Variants in TIPRL observed in about 807,000 individuals in gnomAD.
TIPRL encodes TIP41-like protein.
In TIPRL, 10 loss-of-function variants were observed where a neutral mutation model predicts 32.3. That is an observed-to-expected ratio of 0.31 (90% CI 0.19 to 0.52). The LOEUF is 0.52. TIPRL is among the 20% of genes least tolerant of loss of function. The pLI is 0.96. For synonymous variants in TIPRL, 100 were observed against 114.0 expected (o/e 0.88, Z 0.78); for missense variants, 250 against 328.1 (o/e 0.76, Z 1.84).
rs1700009011 is a variant in TIPRL, at chr1:168,184,923, C to T, written c.384+45C>T. On this transcript the variant is annotated intron_variant, in intron 3 of 6. Coordinates refer to ENST00000367833, the MANE Select transcript of TIPRL (RefSeq NM_152902.5). ...TTCATGAGTCATTGATTGTCTTGGA[C>T]AGTCTGAGCATTAGAACTTTCTAGT... 7 of 1,242,660 alleles carry T rather than the reference C, an allele frequency of 5.6e-6. No homozygotes were observed. In the South Asian group the frequency reaches 6.5e-5, roughly 12 times the overall value. The allele number at this position is 1,242,660 out of a possible 1,614,324, so 77.0% of individuals were successfully genotyped here. A position where few individuals can be genotyped will look rare whatever the true frequency, so the allele number is the denominator to read the frequency against.
chr1:168,186,074 C>CA (rs56699636), intron 3 of TIPRL, among the ~76,000 whole-genome samples: 2,464 of 56,028 alleles, frequency 0.044, 437 homozygotes, highest in Non-Finnish European at 0.068. Context: ...GACTCCGTCT[C>CA]AAAAAAAAAA....
Position 168,195,053 on chromosome 1 carries a change from A to G in TIPRL, c.517-1494A>G, listed in dbSNP as rs534039236. Among the ~76,000 whole-genome samples the G allele has an allele frequency of 3.3e-5, 5 of 152,294 alleles. No individual in the cohort carries two copies. In the South Asian group the frequency reaches 1.0e-3, roughly 32 times the overall value. ...AGGACAAGTGAACATTAGCCGGGAG[A>G]ATACTCCAGGTAAGGGAAGAGGGTG... On this transcript the variant is annotated intron_variant, in intron 4 of 6. Coordinates refer to ENST00000367833, the MANE Select transcript of TIPRL (RefSeq NM_152902.5).
At chr1:168,195,201 TTATATGTAAGA>T (rs1039242376) in intron 4 of TIPRL, among the ~76,000 whole-genome samples, 1 of 152,238 alleles carries the variant, frequency 6.6e-6, no homozygotes, top group African/African-American at 2.4e-5. Context: ...AGCCCTGTGC[TTATATGTAAGA>T]TTATAGGCAG....
intron 4 of TIPRL, among the ~76,000 whole-genome samples, chr1:168,194,888 T>C (rs549290389): frequency 6.6e-6 from 1 of 152,252 alleles, no homozygotes; most frequent in African/African-American, 2.4e-5. Context: ...TACAGTCAAG[T>C]GGAAACATAA....
intron 6 of TIPRL, 54 bp from the exon 7 acceptor site, chr1:168,199,848 TA>T: frequency 6.5e-7 from 1 of 1,544,276 alleles, no homozygotes; most frequent in Non-Finnish European, 8.7e-7. Context: ...AAAACATTTG[TA>T]AAAAATTTCA....
intron 1 of TIPRL, among the ~76,000 whole-genome samples, chr1:168,179,438 T>G (rs1404879875): frequency 1.3e-5 from 2 of 152,128 alleles, no homozygotes; most frequent in African/African-American, 4.8e-5. Flanking sequence ...TGGTGGACTT[T>G]CCCCTCACCA....
chr1:168,192,352 T>A, intron 4 of TIPRL: 2 of 882,780 alleles, frequency 2.3e-6, no homozygotes, highest in Non-Finnish European at 1.4e-6. Context: ...AGACTCCGTC[T>A]CAAAAAAAAA....
chr1:168,185,794 C>T (rs924839613), intron 3 of TIPRL, among the ~76,000 whole-genome samples: 4 of 123,016 alleles, frequency 3.3e-5, no homozygotes, highest in African/African-American at 1.2e-4. Flanking sequence ...AGAAGAGATT[C>T]GGCCAGGTGC....
At chr1:168,186,195 C>T (rs1029677684) in intron 3 of TIPRL, among the ~76,000 whole-genome samples, 1 of 148,360 alleles carries the variant, frequency 6.7e-6, no homozygotes, top group African/African-American at 2.5e-5. Flanking sequence ...TATAGTATGA[C>T]TGAAAGGAAG....
chr1:168,196,537 T>G lies in TIPRL; in HGVS notation c.517-10T>G, dbSNP rs1700154922. 1.3e-6 allele frequency: 2 copies of G among 1,522,264 alleles called. No homozygotes were observed. The highest frequency in any genetic ancestry group is 1.8e-6 in the Non-Finnish European group (2 of 1,137,142). The allele number at this position is 1,522,264 out of a possible 1,614,324, so 94.3% of individuals were successfully genotyped here. On this transcript the variant is annotated splice_polypyrimidine_tract_variant and intron_variant, in intron 4 of 6. Transcript: ENST00000367833. ...TTAAAATATTAATGTACCTTTTTTTTTTTTTCCAGAGAGTAATGCCTTCTA... is the reference window on the plus strand; with the variant it reads ...TTAAAATATTAATGTACCTTTTTTTGTTTTTCCAGAGAGTAATGCCTTCTA...
chr1:168,199,194 C>G (rs532798853), intron 6 of TIPRL, among the ~76,000 whole-genome samples: 32 of 152,122 alleles, frequency 2.1e-4, no homozygotes, highest in Non-Finnish European at 4.3e-4. Flanking sequence ...ACTTAAGCCT[C>G]ATCTAATCTA....
chr1:168,198,959 A>G lies in TIPRL; in HGVS notation c.653A>G (p.Glu218Gly). The G allele has an allele frequency of 6.2e-7, 1 of 1,612,356 alleles. No individual in the cohort carries two copies. The highest frequency in any genetic ancestry group is 8.5e-7 in the Non-Finnish European group (1 of 1,178,952). Residue 218 changes from glutamate (E) to glycine (G), a missense_variant, in exon 6 of 7, where the codon GAA becomes GGA. Glu to Gly is a moderately conservative substitution (Grantham distance 98). Transcript: ENST00000367833. Reference protein sequence around the residue: ...TYMLREYTSRESKISSLMHVP... With the variant: ...TYMLREYTSRGSKISSLMHVP... ...ATGTTACGAGAATATACGTCACGAG[A>G]AAGCAAAATTTCTAGTTTGATGGCA...
At chr1:168,192,064 A>G (rs1248595594) in intron 4 of TIPRL, 2 of 993,586 alleles carry the variant, frequency 2.0e-6, no homozygotes, top group Non-Finnish European at 2.6e-6. Flanking sequence ...ATTTAACTCT[A>G]ATGAAGACTG....
chr1:168,186,296 G>C (rs1261020438), intron 3 of TIPRL, among the ~76,000 whole-genome samples: 1 of 151,870 alleles, frequency 6.6e-6, no homozygotes, highest in Non-Finnish European at 1.5e-5. Flanking sequence ...AGGAGTTCGA[G>C]ACCAGCTTGG....
chr1:168,188,357 T>C (rs1382329217), intron 3 of TIPRL, among the ~76,000 whole-genome samples: 1 of 152,014 alleles, frequency 6.6e-6, no homozygotes, highest in Non-Finnish European at 1.5e-5. Context: ...CTGTAAAGAG[T>C]CAGACGTAAA....
At chr1:168,179,850 T>G (rs1157020380) in intron 1 of TIPRL, among the ~76,000 whole-genome samples, 2 of 151,830 alleles carry the variant, frequency 1.3e-5, no homozygotes, top group African/African-American at 2.4e-5. Context: ...TTGACAAAAT[T>G]TAGGGGAATC....
chr1:168,184,661 CAAGTGTATATATTT>C (rs1700005667), intron 2 of TIPRL, 104 bp from the exon 3 acceptor site: 2 of 712,438 alleles, frequency 2.8e-6, no homozygotes, highest in South Asian at 1.8e-5. Flanking sequence ...TGAATTATAA[CAAGTGTATATATTT>C]AATAGGATAT....
At chr1:168,188,799 C>A (rs60327885) in intron 3 of TIPRL, among the ~76,000 whole-genome samples, 8 of 151,954 alleles carry the variant, frequency 5.3e-5, no homozygotes, top group African/African-American at 2.4e-5. Context: ...GCCAACATGG[C>A]AAAACCCTGT....
intron 3 of TIPRL, among the ~76,000 whole-genome samples, chr1:168,188,962 C>T (rs529623471): frequency 3.4e-5 from 5 of 145,344 alleles, no homozygotes; most frequent in African/African-American, 1.3e-4. Flanking sequence ...GCCTGGGCAA[C>T]AGAGCGAGAC....
Sources: allele counts gnomAD v4.1 joint callset (sites outside exome capture counted in the v4.1 genomes callset), GRCh38; gene constraint gnomAD v4.1.1; transcripts MANE v1.5; gene names NCBI Gene and HGNC (gene_info 2026-07-23, HGNC 2026-07-21).